UBA3: variants seen among roughly 807,000 people sequenced by gnomAD.
The protein encoded by UBA3 is ubiquitin like modifier activating enzyme 3, also known as NEDD8-activating enzyme E1 catalytic subunit.
UBA3 carries 26 observed loss-of-function variants against 73.5 expected under a neutral mutation model. The observed-to-expected ratio is 0.35, with a 90% CI of 0.26 to 0.49. UBA3 has a LOEUF of 0.49. Among genes scored for constraint, UBA3 ranks in the 20% least tolerant of loss-of-function variants. The pLI is 0.98. For missense variants in UBA3, 495 were observed against 555.6 expected, an observed-to-expected ratio of 0.89 and a Z score of 1.10; for synonymous variants, 217 against 191.2, an observed-to-expected ratio of 1.13 and a Z score of -1.11.
intron 2 of UBA3, among the ~76,000 whole-genome samples, chr3:69,079,230 G>C (rs1460679437): frequency 1.3e-5 from 2 of 152,174 alleles, no homozygotes; most frequent in African/African-American, 4.8e-5. Flanking sequence ...AGAAGACTCA[G>C]TACAGTACGT....
intron 11 of UBA3, among the ~76,000 whole-genome samples, chr3:69,058,316 T>A (rs2091994209): frequency 6.6e-6 from 1 of 152,232 alleles, no homozygotes; most frequent in Admixed American, 6.5e-5. Flanking sequence ...ATTTGAATTG[T>A]TCATTTTAGA....
At chr3:69,067,529 T>C (rs970777680) in intron 6 of UBA3, among the ~76,000 whole-genome samples, 1 of 152,216 alleles carries the variant, frequency 6.6e-6, no homozygotes, top group South Asian at 2.1e-4. Context: ...TTTACTGTGA[T>C]GTACCTTCCA....
chr3:69,071,619 T>A lies in UBA3; in HGVS notation c.265-2A>T. On this transcript the variant is annotated splice_acceptor_variant, in intron 4 of 17. Coordinates refer to ENST00000361055, the MANE Select transcript of UBA3 (RefSeq NM_003968.4). LOFTEE classifies it high-confidence loss of function. ...AATCTGTCTAAAACCAGACAAGGCC[T>A]GTGGGAATAAAAACAATCCAATTAA... The A allele has an allele frequency of 6.5e-7, 1 of 1,530,528 alleles. No homozygotes were observed. The highest frequency in any genetic ancestry group is 8.7e-7 in the Non-Finnish European group (1 of 1,146,554). The allele number at this position is 1,530,528 out of a possible 1,614,324, so 94.8% of individuals were successfully genotyped here.
intron 17 of UBA3, 103 bp downstream of exon 17, chr3:69,055,748 A>G (rs926599123): frequency 2.8e-5 from 31 of 1,126,614 alleles, no homozygotes; most frequent in Non-Finnish European, 3.8e-5. Context: ...TTACCTGACC[A>G]TATACAAGGC....
intron 2 of UBA3, 92 bp downstream of exon 2, chr3:69,080,019 GC>G: frequency 8.1e-6 from 10 of 1,240,544 alleles, no homozygotes; most frequent in East Asian, 2.5e-5. Flanking sequence ...CCCCCTCCCA[GC>G]CCCCCGGGCC....
intron 3 of UBA3, chr3:69,076,280 TG>T (rs2092165946): frequency 6.6e-6 from 1 of 152,276 alleles, no homozygotes; most frequent in Non-Finnish European, 1.5e-5. Flanking sequence ...GGCTCACACC[TG>T]TAATCCCAGC....
chr3:69,078,099 T>A (rs1462883183), intron 2 of UBA3, among the ~76,000 whole-genome samples, 181 bp from the exon 3 acceptor site: 1 of 152,260 alleles, frequency 6.6e-6, no homozygotes, highest in Non-Finnish European at 1.5e-5. Context: ...TACAATTCAT[T>A]TAAAGTTAAG....
chr3:69,077,027 CAA>C (rs138831521), intron 3 of UBA3, among the ~76,000 whole-genome samples: 1 of 138,870 alleles, frequency 7.2e-6, no homozygotes. Context: ...AATTATCAGG[CAA>C]AAAAAAAAAT....
chr3:69,057,336 G>T, intron 11 of UBA3, 27 bp from the exon 12 acceptor site: 1 of 1,582,062 alleles, frequency 6.3e-7, no homozygotes, highest in Admixed American at 1.8e-5. Context: ...ATTAAAATAT[G>T]GTCATTTCTT....
intron 5 of UBA3, among the ~76,000 whole-genome samples, chr3:69,069,712 C>T (rs1026600608): frequency 2.6e-4 from 39 of 152,250 alleles, no homozygotes; most frequent in Admixed American, 9.8e-4. Context: ...TACTAACTTA[C>T]ATAAAAAAGG....
intron 11 of UBA3, among the ~76,000 whole-genome samples, chr3:69,061,420 C>T (rs568386137): frequency 8.5e-5 from 13 of 152,344 alleles, no homozygotes; most frequent in African/African-American, 2.6e-4. Flanking sequence ...CTCTCGAACT[C>T]CTGACCTCAG....
Position 69,064,068 on chromosome 3 carries a change from G to C in UBA3, c.472C>G (p.Gln158Glu). 6.2e-7 allele frequency: 1 copy of C among 1,602,370 alleles called. No homozygotes were observed. Among genetic ancestry groups the C allele is most frequent in the African/African-American group, 1.3e-5 (1 of 74,224 alleles). The change falls in exon 7 of 18, where the codon CAA becomes GAA. Residue 158 changes from glutamine (Q) to glutamate (E), a missense_variant and splice_region_variant. Gln to Glu is a conservative substitution (Grantham distance 29). Transcript: ENST00000361055. ...CATTAATTTCAAGTAAAAAACTTAC[G>C]TCGATAGAAAGTGTCGTTAAAATCT... ...IQDFNDTFYRQFHIIVCGLDS... is the reference protein window; with the variant it reads ...IQDFNDTFYREFHIIVCGLDS...
intron 6 of UBA3, 135 bp from the exon 7 acceptor site, chr3:69,064,246 G>A (rs536759478): frequency 1.6e-5 from 11 of 683,730 alleles, no homozygotes; most frequent in Middle Eastern, 4.3e-4. Flanking sequence ...TGGAATTCAA[G>A]GAATCTGACT....
intron 11 of UBA3, among the ~76,000 whole-genome samples, chr3:69,059,124 T>G (rs939468383): frequency 1.3e-5 from 2 of 152,204 alleles, no homozygotes; most frequent in East Asian, 3.9e-4. Flanking sequence ...ATAGGGGAGA[T>G]AACACAAAAG....
chr3:69,055,713 A>G (rs1324525792), intron 17 of UBA3, 138 bp downstream of exon 17: 4 of 916,036 alleles, frequency 4.4e-6, no homozygotes, highest in East Asian at 2.5e-5. Context: ...AATTCTATTA[A>G]TATGTCTAAA....
intron 2 of UBA3, 138 bp from the exon 3 acceptor site, chr3:69,078,056 T>C (rs2107502817): frequency 1.7e-6 from 2 of 1,171,022 alleles, no homozygotes; most frequent in South Asian, 1.9e-5. Context: ...AATGTGATTA[T>C]GTTTATGCTT....
At chr3:69,080,233 C>CGGGGG in intron 1 of UBA3, 80 bp from the exon 2 acceptor site, 2 of 557,246 alleles carry the variant, frequency 3.6e-6, no homozygotes, top group Non-Finnish European at 3.1e-6. Flanking sequence ...GGGGACGGGG[C>CGGGGG]GGGGGGTGTG....
rs574003895 is a variant in UBA3, at chr3:69,079,926, G to A, written c.62+186C>T. ...CTGGCCCCGACGCCCGCACCGGGCA[G>A]ATACCGGGAGCGGCCCGCCAGGCCC... is the stretch of plus-strand genomic sequence containing the variant. On this transcript the variant is annotated intron_variant, in intron 2 of 17. Transcript: ENST00000361055. The A allele has an allele frequency of 5.8e-4, 326 of 560,564 alleles. 1 individual carries two copies. Among genetic ancestry groups the A allele is most frequent in the East Asian group, 5.3e-3 (160 of 30,398 alleles). The allele number at this position is 560,564 out of a possible 1,614,324, so 34.7% of individuals were successfully genotyped here.
chr3:69,068,109 T>C (rs1223508822), intron 5 of UBA3, 101 bp from the exon 6 acceptor site: 3 of 771,706 alleles, frequency 3.9e-6, no homozygotes, highest in Non-Finnish European at 5.7e-6. Context: ...AGTTTACTTA[T>C]AGGAAATTTA....
Sources: gnomAD v4.1 joint callset for allele counts (sites outside exome capture counted in the v4.1 genomes callset) on GRCh38, gnomAD v4.1.1 for gene constraint, MANE v1.5 for transcripts, NCBI Gene and HGNC (gene_info 2026-07-23, HGNC 2026-07-21) for gene names.